Variants in KALRN observed in about 807,000 individuals in gnomAD.
KALRN encodes the protein kalirin.
Under a neutral mutation model 353.7 loss-of-function variants are expected in KALRN, and 70 were observed. The ratio of observed to expected loss-of-function variants is 0.20; its 90% confidence interval spans 0.16 to 0.24. The LOEUF is 0.24. Ranked by LOEUF, KALRN falls within the 10% of genes least tolerant of loss-of-function variation. The pLI, the probability that KALRN is intolerant of heterozygous loss-of-function variation, is 1.00. For missense variants in KALRN, 2,791 were observed against 3,756.7 expected, an observed-to-expected ratio of 0.74 and a Z score of 6.72; for synonymous variants, 1,391 against 1,434.8, an observed-to-expected ratio of 0.97 and a Z score of 0.69.
At chr3:124,036,452 T>G (rs1445543817) in intron 1 of KALRN, among the ~76,000 whole-genome samples, 1 of 151,886 alleles carries the variant, frequency 6.6e-6, no homozygotes. Context: ...ACATTTTCTT[T>G]ATCTAGTCTG....
rs1261471096 is a variant in KALRN, at chr3:124,725,518, C to T, written c.*6048C>T. ...TATAATATGTATGTATATGTTATTG[C>T]TCATATGCAGAAATCTATCCATTTG... is the stretch of plus-strand genomic sequence containing the variant. On this transcript the variant is annotated 3_prime_UTR_variant, in exon 60 of 60. Transcript: ENST00000682506. 2.0e-5 allele frequency: 3 copies of T among 152,110 alleles called. No homozygotes were observed. The highest frequency in any genetic ancestry group is 1.9e-4 in the East Asian group (1 of 5,194). 9.4% of individuals were successfully genotyped at this position (152,110 alleles called of 1,614,324 possible).
chr3:124,286,938 G>C (rs1427084242), intron 5 of KALRN, among the ~76,000 whole-genome samples: 3 of 152,082 alleles, frequency 2.0e-5, no homozygotes, highest in Non-Finnish European at 2.9e-5. Context: ...GCTCTTGATA[G>C]TTTATCTTTC....
chr3:124,048,858 T>C lies in KALRN; in HGVS notation c.73+15045T>C, dbSNP rs1267868408. Among the ~76,000 whole-genome samples the C allele has an allele frequency of 7.2e-5, 11 of 152,232 alleles. 1 individual carries two copies. The highest frequency in any genetic ancestry group is 5.2e-4 in the Admixed American group (8 of 15,286). On this transcript the variant is annotated intron_variant, in intron 1 of 59. Transcript: ENST00000682506. ...CTTTATTAAACCATTCTCCTAATGA[T>C]AGACATTTATAACCCAGATTTTCTG...
chr3:124,239,955 G>T lies in KALRN; in HGVS notation c.263+5012G>T, dbSNP rs566272413. 2.0e-5 allele frequency among the ~76,000 whole-genome samples: 3 copies of T among 152,230 alleles called. No individual in the cohort carries two copies. In the South Asian group the frequency reaches 6.2e-4, roughly 32 times the overall value. On this transcript the variant is annotated intron_variant, in intron 3 of 59. Coordinates refer to ENST00000682506, the MANE Select transcript of KALRN (RefSeq NM_001388419.1). ...ATAATAGGACCAATGAGAACATTTA[G>T]GTCACATTGTTTACATTTCCCTAAA...
At chr3:124,182,331 C>A (rs1359794955) in intron 1 of KALRN, among the ~76,000 whole-genome samples, 2 of 152,136 alleles carry the variant, frequency 1.3e-5, no homozygotes, top group African/African-American at 4.8e-5. Flanking sequence ...AGATATCGTC[C>A]AGGGTTGGAG....
intron 5 of KALRN, among the ~76,000 whole-genome samples, chr3:124,277,735 G>T (rs766726546): frequency 6.6e-6 from 1 of 152,218 alleles, no homozygotes; most frequent in Non-Finnish European, 1.5e-5. Context: ...GAATGCTCAG[G>T]CATGAGGCTT....
intron 33 of KALRN, among the ~76,000 whole-genome samples, chr3:124,503,212 G>T (rs2108681399): frequency 6.6e-6 from 1 of 152,286 alleles, no homozygotes; most frequent in South Asian, 2.1e-4. Context: ...TACCTGAAAA[G>T]TATATATAAT....
At chr3:124,340,764 G>A (rs2081617357) in intron 9 of KALRN, among the ~76,000 whole-genome samples, 1 of 152,122 alleles carries the variant, frequency 6.6e-6, no homozygotes, top group African/African-American at 2.4e-5. Context: ...AGACCAGCCT[G>A]GCCAACATGG....
At chr3:124,523,073 C>T (rs2067295661) in intron 33 of KALRN, among the ~76,000 whole-genome samples, 1 of 152,112 alleles carries the variant, frequency 6.6e-6, no homozygotes, top group South Asian at 2.1e-4. Context: ...AGTTAACCTA[C>T]TAGGTGGGCA....
At chr3:124,216,448 G>T (rs149285813) in intron 1 of KALRN, among the ~76,000 whole-genome samples, 14 of 152,310 alleles carry the variant, frequency 9.2e-5, no homozygotes, top group African/African-American at 3.4e-4. Flanking sequence ...CTTAAAGATT[G>T]TCTCTCAGAA....
chr3:124,179,204 C>T (rs185667165), intron 1 of KALRN, among the ~76,000 whole-genome samples: 11 of 152,126 alleles, frequency 7.2e-5, no homozygotes, highest in East Asian at 1.9e-4. Flanking sequence ...ACTTAAAACA[C>T]GAATAGGTGT....
At chr3:124,681,442 A>G (rs2087759061) in intron 51 of KALRN, among the ~76,000 whole-genome samples, 1 of 152,140 alleles carries the variant, frequency 6.6e-6, no homozygotes. Flanking sequence ...AAAACCAAAA[A>G]TTGTGTTGAT....
At chr3:124,618,673 A>ACT (rs2078930358) in intron 34 of KALRN, among the ~76,000 whole-genome samples, 1 of 152,152 alleles carries the variant, frequency 6.6e-6, no homozygotes, top group Admixed American at 6.5e-5. Flanking sequence ...AAGGCCTAAG[A>ACT]CATACCATGG....
intron 25 of KALRN, among the ~76,000 whole-genome samples, chr3:124,464,857 CAAAAAA>C (rs4048324): frequency 2.3e-5 from 2 of 87,366 alleles, no homozygotes; most frequent in African/African-American, 3.8e-5. Context: ...GCAATAGAAC[CAAAAAA>C]AAAAAAAAAA....
intron 50 of KALRN, among the ~76,000 whole-genome samples, chr3:124,679,009 C>T (rs940879189): frequency 6.6e-6 from 1 of 152,108 alleles, no homozygotes; most frequent in Admixed American, 6.5e-5. Flanking sequence ...GGAAACTAGA[C>T]ACTGATTATT....
intron 25 of KALRN, among the ~76,000 whole-genome samples, chr3:124,469,711 T>C (rs2060698475): frequency 1.3e-5 from 2 of 152,198 alleles, no homozygotes; most frequent in African/African-American, 4.8e-5. Flanking sequence ...GTTCCTCTTT[T>C]TCCCGTTGCC....
intron 28 of KALRN, among the ~76,000 whole-genome samples, chr3:124,484,444 C>T (rs964106138): frequency 6.6e-6 from 1 of 152,232 alleles, no homozygotes; most frequent in Non-Finnish European, 1.5e-5. Context: ...GCAGAAATGG[C>T]TTAAAGTGTT....
chr3:124,115,262 G>A (rs1037259058), intron 1 of KALRN, among the ~76,000 whole-genome samples: 4 of 152,128 alleles, frequency 2.6e-5, no homozygotes, highest in African/African-American at 4.8e-5. Context: ...GTGGGCTTTC[G>A]GTCCCATGCT....
intron 14 of KALRN, among the ~76,000 whole-genome samples, chr3:124,419,296 G>A (rs987987098): frequency 4.0e-5 from 6 of 150,762 alleles, no homozygotes; most frequent in African/African-American, 1.2e-4. Flanking sequence ...GAAAAAGTGA[G>A]AAAATGAATA....
Sources: allele counts gnomAD v4.1 joint callset (sites outside exome capture counted in the v4.1 genomes callset), GRCh38; gene constraint gnomAD v4.1.1; transcripts MANE v1.5; gene names NCBI Gene and HGNC (gene_info 2026-07-23, HGNC 2026-07-21).